ASPH: variants seen among roughly 807,000 people sequenced by gnomAD.
ASPH encodes the protein aspartyl/asparaginyl beta-hydroxylase.
Under a neutral mutation model 118.4 loss-of-function variants are expected in ASPH, and 100 were observed. The ratio of observed to expected loss-of-function variants is 0.84; its 90% CI spans 0.72 to 1.00. ASPH has a LOEUF of 1.00. ASPH is among the 50% of genes least tolerant of loss of function. The probability of loss-of-function intolerance (pLI) is 0.00; values close to 1 mark genes in which losing one functional copy is unlikely to be tolerated. For missense variants in ASPH, 920 were observed against 919.5 expected (o/e 1.00, Z -0.01); for synonymous variants, 315 against 325.6 (o/e 0.97, Z 0.35).
intron 5 of ASPH, among the ~76,000 whole-genome samples, chr8:61,648,466 A>G (rs1394380463): frequency 6.6e-6 from 1 of 152,186 alleles, no homozygotes; most frequent in African/African-American, 2.4e-5. Flanking sequence ...CTATTCAGCA[A>G]ATCACCAATT....
chr8:61,714,418 G>T lies in ASPH; in HGVS notation c.-47C>A, dbSNP rs1419566960. 2 of 1,409,504 alleles carry T rather than the reference G, an allele frequency of 1.4e-6. No homozygotes were observed. 87.3% of individuals were successfully genotyped at this position (1,409,504 alleles called of 1,614,324 possible). On this transcript the variant is annotated 5_prime_UTR_variant, in exon 1 of 25. Coordinates refer to ENST00000379454, the MANE Select transcript of ASPH (RefSeq NM_004318.4). ...TGAGGGCTGGCGGACCTCCTTCAGT[G>T]CGCGGGGGTACACACGCGACGCGGG... is the stretch of plus-strand genomic sequence containing the variant.
chr8:61,654,568 A>G (rs1812677619), intron 3 of ASPH, among the ~76,000 whole-genome samples: 1 of 152,204 alleles, frequency 6.6e-6, no homozygotes. Flanking sequence ...TCATGTATGC[A>G]CACTAATGTG....
At chr8:61,664,954 G>A in intron 3 of ASPH, 2 of 1,120,266 alleles carry the variant, frequency 1.8e-6, no homozygotes, top group Non-Finnish European at 1.1e-6. Flanking sequence ...GTCAATGAAA[G>A]TATTCAATAT....
intron 3 of ASPH, among the ~76,000 whole-genome samples, chr8:61,679,582 A>G (rs923545946): frequency 1.3e-5 from 2 of 152,036 alleles, no homozygotes; most frequent in Non-Finnish European, 2.9e-5. Flanking sequence ...AATAAAAATC[A>G]ATAAAATGCA....
intron 3 of ASPH, chr8:61,659,242 AT>A (rs1331716520): frequency 1.3e-5 from 2 of 152,374 alleles, no homozygotes; most frequent in South Asian, 2.1e-4. Flanking sequence ...AATCTCTTGT[AT>A]CCCCCATGCC....
At chr8:61,665,242 G>C in intron 3 of ASPH, 1 of 1,571,724 alleles carries the variant, frequency 6.4e-7, no homozygotes, top group Non-Finnish European at 8.6e-7. Context: ...GGATGATGAT[G>C]CCAGAGCTTT....
intron 21 of ASPH, among the ~76,000 whole-genome samples, chr8:61,545,796 A>G (rs1823619964): frequency 6.6e-6 from 1 of 152,148 alleles, no homozygotes. Context: ...GAGGAAACTA[A>G]TCCTTTTCTG....
chr8:61,573,637 G>A (rs1412895313), intron 16 of ASPH, among the ~76,000 whole-genome samples: 1 of 152,146 alleles, frequency 6.6e-6, no homozygotes, highest in Non-Finnish European at 1.5e-5. Flanking sequence ...TTAATAAATG[G>A]TATTGGGAAA....
At chr8:61,599,085 T>C (rs1443046181) in intron 14 of ASPH, among the ~76,000 whole-genome samples, 1 of 151,344 alleles carries the variant, frequency 6.6e-6, no homozygotes, top group Non-Finnish European at 1.5e-5. Flanking sequence ...CTCAAAGAAC[T>C]AGAAGATCAA....
chr8:61,554,284 A>G (rs571878237), intron 19 of ASPH, among the ~76,000 whole-genome samples: 199 of 152,336 alleles, frequency 1.3e-3, no homozygotes, highest in African/African-American at 4.5e-3. Flanking sequence ...GTTTCAAGAG[A>G]AACTAGAAGT....
intron 12 of ASPH, among the ~76,000 whole-genome samples, chr8:61,635,835 T>G (rs1404336366): frequency 6.6e-6 from 1 of 152,196 alleles, no homozygotes; most frequent in Non-Finnish European, 1.5e-5. Context: ...CTTGGATTAG[T>G]ACACAATATT....
In ASPH at chr8:61,629,379, T is replaced by C. The variant is rs545496464; in HGVS notation, c.934+4304A>G. Among the ~76,000 whole-genome samples, 5 of 152,346 alleles carry C rather than the reference T, an allele frequency of 3.3e-5. No homozygotes were observed. In the South Asian group the frequency reaches 1.0e-3, roughly 32 times the overall value. On this transcript the variant is annotated intron_variant, in intron 13 of 24. Transcript: ENST00000379454. ...GTAATTCCTTCATAAGTCGTTCCATTTGTGTTGTGTATATTTATGCTGTCA... is the reference window on the plus strand; with the variant it reads ...GTAATTCCTTCATAAGTCGTTCCATCTGTGTTGTGTATATTTATGCTGTCA...
chr8:61,534,119 G>C (rs959824091), intron 21 of ASPH, among the ~76,000 whole-genome samples: 2 of 151,934 alleles, frequency 1.3e-5, no homozygotes. Flanking sequence ...AGCTAATTTT[G>C]TATTTTTAAT....
intron 24 of ASPH, among the ~76,000 whole-genome samples, chr8:61,503,967 T>C (rs1805470187): frequency 6.6e-6 from 1 of 152,178 alleles, no homozygotes; most frequent in Non-Finnish European, 1.5e-5. Context: ...CACAGTACCA[T>C]AAAGCAGAAA....
chr8:61,646,492 TA>T (rs1257147344), intron 6 of ASPH, among the ~76,000 whole-genome samples: 3 of 152,134 alleles, frequency 2.0e-5, no homozygotes, highest in Non-Finnish European at 2.9e-5. Flanking sequence ...AAGAATATAG[TA>T]AAACTAGTTT....
Position 61,567,160 on chromosome 8 carries a change from C to T in ASPH, c.1300+8G>A, listed in dbSNP as rs1831996641. The T allele has an allele frequency of 6.2e-7, 1 of 1,613,116 alleles. No individual in the cohort carries two copies. Among genetic ancestry groups the T allele is most frequent in the South Asian group, 1.1e-5 (1 of 90,940 alleles). ...TTTCCTACTGAATTACCTTTGATTGCATCTTACCTAGAAATTGTTGCCTGT... is the reference window on the plus strand; with the variant it reads ...TTTCCTACTGAATTACCTTTGATTGTATCTTACCTAGAAATTGTTGCCTGT... On this transcript the variant is annotated splice_region_variant and intron_variant, in intron 17 of 24. Coordinates refer to ENST00000379454, the MANE Select transcript of ASPH (RefSeq NM_004318.4).
In ASPH at chr8:61,555,960, T is replaced by C. The variant is rs752160482; in HGVS notation, c.1500A>G (p.Ala500=). Residue 500 remains alanine, a synonymous_variant, in exon 19 of 25, where the codon GCA becomes GCG. Coordinates refer to ENST00000379454, the MANE Select transcript of ASPH (RefSeq NM_004318.4). The part of the protein sequence containing the change: ...AKVHYGFILK[A]QNKIAESIPY... Reference sequence around the variant, plus strand: ...GGATGCTCTCAGCAATTTTGTTCTGTGCCTTCAGGATGAAGCCATAATGGA... The same window carrying C: ...GGATGCTCTCAGCAATTTTGTTCTGCGCCTTCAGGATGAAGCCATAATGGA... 1.2e-6 allele frequency: 2 copies of C among 1,614,088 alleles called. No individual in the cohort carries two copies. Among genetic ancestry groups the C allele is most frequent in the South Asian group, 1.1e-5 (1 of 91,062 alleles).
intron 14 of ASPH, among the ~76,000 whole-genome samples, chr8:61,615,971 C>A (rs1279113735): frequency 6.6e-6 from 1 of 152,082 alleles, no homozygotes; most frequent in Non-Finnish European, 1.5e-5. Context: ...ATGGAATTTC[C>A]ACAGCTCACA....
At chr8:61,543,455 T>C (rs529228997) in intron 21 of ASPH, among the ~76,000 whole-genome samples, 2 of 152,340 alleles carry the variant, frequency 1.3e-5, no homozygotes, top group East Asian at 3.9e-4. Flanking sequence ...GATTATCTGT[T>C]TAGTTCTTTT....
Sources: allele counts gnomAD v4.1 joint callset (sites outside exome capture counted in the v4.1 genomes callset), GRCh38; gene constraint gnomAD v4.1.1; transcripts MANE v1.5; gene names NCBI Gene and HGNC (gene_info 2026-07-23, HGNC 2026-07-21).